Variants in LAMA4 observed in about 807,000 individuals in gnomAD.
LAMA4 encodes laminin subunit alpha-4.
LAMA4 carries 127 observed loss-of-function variants against 207.1 expected under a neutral mutation model. The ratio of observed to expected loss-of-function variants is 0.61; its 90% confidence interval spans 0.53 to 0.71. The LOEUF (loss-of-function observed/expected upper bound fraction) is 0.71, where lower values mean the gene tolerates loss of function less well. Among genes scored for constraint, LAMA4 ranks in the 30% least tolerant of loss-of-function variants. LAMA4 has a pLI of 0.00. For synonymous variants in LAMA4, 761 were observed against 816.0 expected (o/e 0.93, Z 1.15); for missense variants, 2,093 against 2,246.5 (o/e 0.93, Z 1.38).
At chr6:112,177,090 C>CA (rs1782067270) in intron 10 of LAMA4, among the ~76,000 whole-genome samples, 1 of 151,938 alleles carries the variant, frequency 6.6e-6, no homozygotes, top group South Asian at 2.1e-4. Flanking sequence ...ACTTTTTGAA[C>CA]AAATCAATAG....
At chr6:112,199,131 G>A (rs1178418958) in intron 5 of LAMA4, among the ~76,000 whole-genome samples, 1 of 152,180 alleles carries the variant, frequency 6.6e-6, no homozygotes, top group Non-Finnish European at 1.5e-5. Flanking sequence ...CAGAGCTCAT[G>A]AGCATCCTAT....
chr6:112,178,848 A>T (rs2114899344), intron 9 of LAMA4: 1 of 153,132 alleles, frequency 6.5e-6, no homozygotes, highest in South Asian at 2.1e-4. Flanking sequence ...TGGACTAGAA[A>T]ATTGCCCATG....
intron 21 of LAMA4, 58 bp from the exon 22 acceptor site, chr6:112,140,980 A>T: frequency 6.8e-7 from 1 of 1,466,642 alleles, no homozygotes; most frequent in Non-Finnish European, 9.5e-7. Flanking sequence ...ATACTTTTTA[A>T]ATGTCAAAAT....
chr6:112,203,219 C>T (rs531804095), intron 4 of LAMA4, among the ~76,000 whole-genome samples: 2 of 152,236 alleles, frequency 1.3e-5, no homozygotes, highest in East Asian at 3.9e-4. Context: ...CACTGTGGTG[C>T]CCATTTCAAG....
At chr6:112,230,103 A>G (rs952072307) in intron 2 of LAMA4, among the ~76,000 whole-genome samples, 10 of 152,150 alleles carry the variant, frequency 6.6e-5, no homozygotes, top group Non-Finnish European at 1.2e-4. Flanking sequence ...AATGGCTAGG[A>G]TATGATAAAT....
At chr6:112,216,228 G>A (rs1231117697) in intron 3 of LAMA4, 140 bp downstream of exon 3, 4 of 710,114 alleles carry the variant, frequency 5.6e-6, no homozygotes, top group Non-Finnish European at 1.0e-5. Flanking sequence ...TTGTTTCACA[G>A]GAAAAGCTGA....
chr6:112,147,668 C>T (rs1294184727), intron 18 of LAMA4, among the ~76,000 whole-genome samples: 9 of 152,142 alleles, frequency 5.9e-5, no homozygotes, highest in Admixed American at 3.9e-4. Context: ...TTGGCCAACA[C>T]GCTGTTCTTA....
rs541386952 is a variant in LAMA4 at position 112,133,936 on chromosome 6, G to C, written c.3558-449C>G. On this transcript the variant is annotated intron_variant, in intron 26 of 38. Transcript: ENST00000230538. ...TATGTCACAAGTGATGTTAGGATTTGAACACAGGTCTTCAGACTTTTATTA... is the reference window on the plus strand; with the variant it reads ...TATGTCACAAGTGATGTTAGGATTTCAACACAGGTCTTCAGACTTTTATTA... Among the ~76,000 whole-genome samples, 392 of 152,290 alleles carry C rather than the reference G, an allele frequency of 2.6e-3. 2 individuals are homozygous for C. Among genetic ancestry groups the C allele is most frequent in the Non-Finnish European group, 4.2e-3 (286 of 68,030 alleles).
At chr6:112,168,436 C>T (rs1781521935) in intron 12 of LAMA4, among the ~76,000 whole-genome samples, 1 of 150,738 alleles carries the variant, frequency 6.6e-6, no homozygotes, top group Non-Finnish European at 1.5e-5. Context: ...ACCGCTGCCT[C>T]CCGGACTCAA....
intron 5 of LAMA4, among the ~76,000 whole-genome samples, chr6:112,194,861 C>A (rs946322247): frequency 3.3e-5 from 5 of 152,104 alleles, no homozygotes; most frequent in Admixed American, 6.6e-5. Context: ...TCCGTAATCT[C>A]ATTTCTAGTC....
At chr6:112,119,086 A>T in intron 34 of LAMA4, 70 bp downstream of exon 34, 1 of 1,488,646 alleles carries the variant, frequency 6.7e-7, no homozygotes. Flanking sequence ...AATCTGTGAG[A>T]CGAGGGCCTC....
intron 11 of LAMA4, among the ~76,000 whole-genome samples, chr6:112,174,229 C>T (rs934439194): frequency 2.0e-5 from 3 of 152,196 alleles, no homozygotes; most frequent in Non-Finnish European, 4.4e-5. Flanking sequence ...CAAGCCTAGG[C>T]TTAAGAGACC....
At chr6:112,112,527 AT>A (rs1463823731) in intron 38 of LAMA4, among the ~76,000 whole-genome samples, 3 of 152,176 alleles carry the variant, frequency 2.0e-5, no homozygotes, top group African/African-American at 4.8e-5. Context: ...GTGCAGAAAT[AT>A]GCACTCATGT....
chr6:112,114,693 G>A lies in LAMA4; in HGVS notation c.5176C>T (p.Leu1726Phe). ...FSTSVTPKQS[L>F]CDGRWHRITV... The stretch of plus-strand genomic sequence containing the variant: ...ATTCTGTGCCATCTGCCATCACAGA[G>A]ACTCTGCTTGGGTGTAACTGAGGTG... The change falls in exon 37 of 39, where the codon CTC (leucine) becomes TTC (phenylalanine). Residue 1726 changes from leucine to phenylalanine, a missense_variant. By Grantham distance (22) the Leu-to-Phe change is conservative. Around this residue, in one of 3 missense-constraint regions of LAMA4, gnomAD observed 383 missense variants for 437.8 expected, o/e 0.87. Coordinates refer to ENST00000230538, the MANE Select transcript of LAMA4 (RefSeq NM_001105206.3). The A allele has an allele frequency of 6.2e-7, 1 of 1,613,142 alleles. No homozygotes were observed. Among genetic ancestry groups the A allele is most frequent in the Non-Finnish European group, 8.5e-7 (1 of 1,179,232 alleles).
chr6:112,223,020 G>C (rs181543818), intron 2 of LAMA4, among the ~76,000 whole-genome samples: 117 of 152,290 alleles, frequency 7.7e-4, no homozygotes, highest in African/African-American at 2.6e-3. Context: ...CGAGGCTTCA[G>C]TGCTGCCTTT....
chr6:112,205,458 GA>G (rs34967735), intron 4 of LAMA4, among the ~76,000 whole-genome samples: 9,342 of 152,192 alleles, frequency 0.061, 332 homozygotes, highest in East Asian at 0.15. Context: ...AAATCCCATG[GA>G]AAGTGAGATC....
chr6:112,121,273 C>T (rs1778341519), intron 32 of LAMA4, among the ~76,000 whole-genome samples: 1 of 152,134 alleles, frequency 6.6e-6, no homozygotes, highest in African/African-American at 2.4e-5. Context: ...AGAAATTAAA[C>T]AAAACCTTCT....
chr6:112,168,185 G>A (rs777620673), intron 12 of LAMA4, among the ~76,000 whole-genome samples: 7 of 146,206 alleles, frequency 4.8e-5, no homozygotes, highest in Non-Finnish European at 9.0e-5. Context: ...GCAACAGAGC[G>A]AGACTCCGTC....
chr6:112,123,549 G>A (rs587706379), intron 31 of LAMA4, among the ~76,000 whole-genome samples: 1 of 152,122 alleles, frequency 6.6e-6, no homozygotes, highest in African/African-American at 2.4e-5. Flanking sequence ...AAGGGCAAAA[G>A]ACAAAATCCC....
Sources: gnomAD v4.1 joint callset for allele counts (sites outside exome capture counted in the v4.1 genomes callset) on GRCh38, gnomAD v4.1.1 for gene constraint, gnomAD v4.1.1 regional missense constraint, MANE v1.5 for transcripts, NCBI Gene and HGNC (gene_info 2026-07-23, HGNC 2026-07-21) for gene names.